Variants in TLR3 observed in about 807,000 individuals in gnomAD.
The protein encoded by TLR3 is toll-like receptor 3.
A neutral mutation model predicts 66.4 loss-of-function variants in TLR3; 43 were observed. That is an observed-to-expected ratio of 0.65 (90% CI 0.51 to 0.83). The LOEUF is 0.83. TLR3 is among the 40% of genes least tolerant of loss of function. The pLI, the probability that TLR3 is intolerant of heterozygous loss-of-function variation, is 0.00. For missense variants in TLR3, 982 were observed against 1,044.6 expected (o/e 0.94, Z 0.83); for synonymous variants, 397 against 397.2 (o/e 1.00, Z 0.01).
chr4:186,080,668 T>C (rs1416993800), intron 3 of TLR3, among the ~76,000 whole-genome samples: 3 of 152,190 alleles, frequency 2.0e-5, no homozygotes, highest in East Asian at 1.9e-4. Context: ...CTGGACTCAC[T>C]GCAACCTCCG....
intron 3 of TLR3, 135 bp from the exon 4 acceptor site, chr4:186,082,185 G>A (rs1996594): frequency 0.29 from 225,300 of 776,286 alleles, 36,535 homozygotes; most frequent in East Asian, 0.37. Flanking sequence ...AGATTGCACT[G>A]CTGTACTCCA....
Position 186,086,542 on chromosome 4 carries a change from A to G in TLR3, c.*1669A>G, listed in dbSNP as rs1322845747. On this transcript the variant is annotated 3_prime_UTR_variant, in exon 5 of 5. Coordinates refer to ENST00000296795, the MANE Select transcript of TLR3 (RefSeq NM_003265.3). ...GTTATTTGCCACCCTGACAGCTGAGACACTGCTTTTCAGCATTTTAGTTAA... is the reference window on the plus strand; with the variant it reads ...GTTATTTGCCACCCTGACAGCTGAGGCACTGCTTTTCAGCATTTTAGTTAA... 1 of 152,252 alleles carries G rather than the reference A, an allele frequency of 6.6e-6. No individual in the cohort carries two copies. Among genetic ancestry groups the G allele is most frequent in the Non-Finnish European group, 1.5e-5 (1 of 68,054 alleles). The allele number at this position is 152,252 out of a possible 1,614,324, so 9.4% of individuals were successfully genotyped here.
intron 3 of TLR3, among the ~76,000 whole-genome samples, chr4:186,079,524 G>A (rs2099303062): frequency 6.6e-6 from 1 of 152,168 alleles, no homozygotes; most frequent in African/African-American, 2.4e-5. Flanking sequence ...TGCTTCATAG[G>A]ACTGTGTGGT....
chr4:186,083,214 A>T lies in TLR3; in HGVS notation c.1528A>T (p.Ile510Phe). Reference sequence around the variant, plus strand: ...ATTCCAGCCTCTTCGTAACTTGACCATTCTGGATCTAAGCAACAACAACAT... The same window carrying T: ...ATTCCAGCCTCTTCGTAACTTGACCTTTCTGGATCTAAGCAACAACAACAT... ...SPFQPLRNLT[I>F]LDLSNNNIAN... The change falls in exon 4 of 5, where the codon ATT (isoleucine) becomes TTT (phenylalanine). Residue 510 changes from isoleucine (I) to phenylalanine (F), a missense_variant. By Grantham distance (21) the Ile-to-Phe change is conservative. This residue lies in a region of TLR3 where 666 missense variants were observed against 709.0 expected (regional missense o/e 0.94). Coordinates refer to ENST00000296795, the MANE Select transcript of TLR3 (RefSeq NM_003265.3). This position sits in a 1 kb window ranked among gnomAD's most constrained non-coding sequence, Gnocchi z 4.0. The T allele has an allele frequency of 6.2e-7, 1 of 1,614,198 alleles. No homozygotes were observed. Among genetic ancestry groups the T allele is most frequent in the Non-Finnish European group, 8.5e-7 (1 of 1,180,032 alleles).
At chr4:186,075,271 T>C (rs2099302260) in intron 1 of TLR3, among the ~76,000 whole-genome samples, 1 of 152,178 alleles carries the variant, frequency 6.6e-6, no homozygotes, top group African/African-American at 2.4e-5. Flanking sequence ...TAGTAGGTGA[T>C]AAGAATTTTT....
chr4:186,074,685 CTT>C (rs896699635), intron 1 of TLR3, among the ~76,000 whole-genome samples: 60 of 152,252 alleles, frequency 3.9e-4, no homozygotes, highest in African/African-American at 1.4e-3. Context: ...TTTTTCAAAA[CTT>C]TTTGACTCGT....
intron 1 of TLR3, among the ~76,000 whole-genome samples, chr4:186,069,776 AAGAAGTGG>A (rs2099301122): frequency 3.3e-5 from 5 of 152,196 alleles, no homozygotes; most frequent in Admixed American, 3.3e-4. Flanking sequence ...AGGATAATGG[AAGAAGTGG>A]AGAAGTGGAA....
chr4:186,082,890 G>GT lies in TLR3; in HGVS notation c.1205dup (p.Ser403IlefsTer16). On this transcript the variant is annotated frameshift_variant, in exon 4 of 5. Transcript: ENST00000296795. LOFTEE classifies it high-confidence loss of function. ...GCGAACTTTGACAAATGAAACATTT[G>GT]TATCACTTGCTCATTCTCCCTTACA... 6.2e-7 allele frequency: 1 copy of GT among 1,613,860 alleles called. No individual in the cohort carries two copies. Among genetic ancestry groups the GT allele is most frequent in the Non-Finnish European group, 8.5e-7 (1 of 1,179,884 alleles).
rs963617374 is a variant in TLR3 at position 186,077,149 on chromosome 4, G to C, written c.441+89G>C. On this transcript the variant is annotated intron_variant, in intron 2 of 4. Transcript: ENST00000296795. ...ATCTAAATATCAAGGAAATAAAGAGGAAGAAATTTGATCTAATCCAATTTG... is the reference window on the plus strand; with the variant it reads ...ATCTAAATATCAAGGAAATAAAGAGCAAGAAATTTGATCTAATCCAATTTG... The C allele has an allele frequency of 2.2e-6, 3 of 1,367,340 alleles. No homozygotes were observed. In the Admixed American group the frequency reaches 6.7e-5, roughly 30 times the overall value. 84.7% of individuals were successfully genotyped at this position (1,367,340 alleles called of 1,614,324 possible). A position where few individuals can be genotyped will look rare whatever the true frequency, so the allele number is the denominator to read the frequency against.
rs1380693503 is a variant in TLR3 at position 186,086,429 on chromosome 4, A to G, written c.*1556A>G. 1.3e-5 allele frequency: 2 copies of G among 152,224 alleles called. No homozygotes were observed. Among genetic ancestry groups the G allele is most frequent in the Non-Finnish European group, 1.5e-5 (1 of 68,028 alleles). 9.4% of individuals were successfully genotyped at this position (152,224 alleles called of 1,614,324 possible). A position where few individuals can be genotyped will look rare whatever the true frequency, so the allele number is the denominator to read the frequency against. ...CAAGGCTGAGTTCCATGACCCTGGA[A>G]TGAGAAATATCCACTGTACCTCTGG... On this transcript the variant is annotated 3_prime_UTR_variant, in exon 5 of 5. Coordinates refer to ENST00000296795, the MANE Select transcript of TLR3 (RefSeq NM_003265.3).
Position 186,076,972 on chromosome 4 carries a change from C to T in TLR3, c.353C>T (p.Thr118Ile), listed in dbSNP as rs762007597. The T allele has an allele frequency of 1.9e-6, 3 of 1,614,002 alleles. No individual in the cohort carries two copies. The African/African-American group carries it at 4.0e-5, about 22-fold the overall frequency. Residue 118 changes from threonine (T) to isoleucine (I), a missense_variant, in exon 2 of 5, where the codon ACC becomes ATC. This residue lies in a region of TLR3 where 313 missense variants were observed against 319.0 expected (regional missense o/e 0.98). Transcript: ENST00000296795. ...HNELSQLSDK[T>I]FAFCTNLTEL... Reference sequence around the variant, plus strand: ...GAGCTATCTCAACTTTCTGATAAAACCTTTGCCTTCTGCACGAATTTGACT... The same window carrying T: ...GAGCTATCTCAACTTTCTGATAAAATCTTTGCCTTCTGCACGAATTTGACT...
chr4:186,079,085 T>A, intron 3 of TLR3, 54 bp downstream of exon 3: 1 of 1,451,274 alleles, frequency 6.9e-7, no homozygotes, highest in Non-Finnish European at 9.6e-7. Context: ...GGATAGTCCC[T>A]ATCTGTGTCA....
intron 1 of TLR3, among the ~76,000 whole-genome samples, chr4:186,073,154 G>A (rs183494140): frequency 9.2e-5 from 14 of 152,158 alleles, no homozygotes; most frequent in Admixed American, 7.2e-4. Context: ...ATAGACCCTC[G>A]CTTAAAACAT....
At chr4:186,074,042 A>T (rs974009095) in intron 1 of TLR3, among the ~76,000 whole-genome samples, 2 of 152,250 alleles carry the variant, frequency 1.3e-5, no homozygotes, top group African/African-American at 4.8e-5. Context: ...ATGATTAAAA[A>T]TAATAATAAA....
intron 1 of TLR3, among the ~76,000 whole-genome samples, chr4:186,073,491 G>A (rs2099301857): frequency 6.6e-6 from 1 of 151,994 alleles, no homozygotes; most frequent in African/African-American, 2.4e-5. Flanking sequence ...CTGCACTCCA[G>A]CCTGGGTGAC....
intron 2 of TLR3, among the ~76,000 whole-genome samples, chr4:186,078,100 G>A (rs1387845353): frequency 6.6e-6 from 1 of 152,054 alleles, no homozygotes; most frequent in Non-Finnish European, 1.5e-5. Context: ...CTCAAAATCT[G>A]GCTAGAGAAA....
Position 186,078,951 on chromosome 4 carries a change from G to C in TLR3, c.553G>C (p.Ala185Pro). The change falls in exon 3 of 5, where the codon GCG becomes CCG. Residue 185 changes from alanine to proline, a missense_variant. Around this residue, in one of 3 missense-constraint regions of TLR3, gnomAD observed 313 missense variants for 319.0 expected, o/e 0.98. Coordinates refer to ENST00000296795, the MANE Select transcript of TLR3 (RefSeq NM_003265.3). Reference protein sequence around the residue: ...ELLLSNNKIQALKSEELDIFA... With the variant: ...ELLLSNNKIQPLKSEELDIFA... The stretch of plus-strand genomic sequence containing the variant: ...TCTATTATCAAACAATAAAATTCAA[G>C]CGCTAAAAAGTGAAGAACTGGATAT... 1 of 1,613,578 alleles carries C rather than the reference G, an allele frequency of 6.2e-7. No homozygotes were observed. The highest frequency in any genetic ancestry group is 8.5e-7 in the Non-Finnish European group (1 of 1,179,890).
Position 186,078,837 on chromosome 4 carries a change from C to A in TLR3, c.442-3C>A. ...ACATATGCATATTATTTTTTCCCTTCAGAATTTAATCACATTAGATCTGTC... is the reference window on the plus strand; with the variant it reads ...ACATATGCATATTATTTTTTCCCTTAAGAATTTAATCACATTAGATCTGTC... On this transcript the variant is annotated splice_polypyrimidine_tract_variant and splice_region_variant and intron_variant, in intron 2 of 4. Transcript: ENST00000296795. 6.2e-7 allele frequency: 1 copy of A among 1,613,080 alleles called. No homozygotes were observed. The highest frequency in any genetic ancestry group is 1.1e-5 in the South Asian group (1 of 90,876).
Position 186,083,630 on chromosome 4 carries a change from T to C in TLR3, c.1944T>C (p.Asp648=), listed in dbSNP as rs2099303900. The change falls in exon 4 of 5, where the codon GAT becomes GAC. Residue 648 remains aspartate, a synonymous_variant. Transcript: ENST00000296795. This position sits in a 1 kb window ranked among gnomAD's most constrained non-coding sequence, Gnocchi z 4.0. The part of the protein sequence containing the change: ...TELDMRFNPF[D]CTCESIAWFV... ...TAGATATGCGCTTTAATCCCTTTGA[T>C]TGCACGTGTGAAAGTATTGCCTGGT... The C allele has an allele frequency of 1.2e-6, 2 of 1,601,898 alleles. No homozygotes were observed. The highest frequency in any genetic ancestry group is 1.7e-6 in the Non-Finnish European group (2 of 1,174,690).
Sources: allele counts gnomAD v4.1 joint callset (sites outside exome capture counted in the v4.1 genomes callset), GRCh38; gene constraint gnomAD v4.1.1; regional missense constraint gnomAD v4.1.1; non-coding constraint Gnocchi (gnomAD v3.1); transcripts MANE v1.5; gene names NCBI Gene and HGNC (gene_info 2026-07-23, HGNC 2026-07-21).